The following NEBL variants were observed in gnomAD, a reference collection of about 807,000 sequenced individuals.
NEBL encodes nebulette.
NEBL carries 122 observed loss-of-function variants against 140.2 expected under a neutral mutation model. That is an observed-to-expected ratio of 0.87 (90% confidence interval 0.75 to 1.01). NEBL has a LOEUF of 1.01. NEBL is among the 50% of genes least tolerant of loss of function. The pLI, the probability that NEBL is intolerant of heterozygous loss-of-function variation, is 0.00. For synonymous variants in NEBL, 436 were observed against 398.9 expected, an observed-to-expected ratio of 1.09 and a Z score of -1.11; for missense variants, 1,365 against 1,231.3, an observed-to-expected ratio of 1.11 and a Z score of -1.62.
chr10:21,288,713 T>G lies in NEBL; in HGVS notation n.182+4117A>C, dbSNP rs372357904. On this transcript the variant is annotated intron_variant and non_coding_transcript_variant, in intron 1 of 8. Transcript: ENST00000675702. ...AGGCAGAGGTTGCAGTGAGCCGAAC[T>G]CATTCCACTGCACTCTAGCCTGGGC... Among the ~76,000 whole-genome samples, 118 of 135,544 alleles carry G rather than the reference T, an allele frequency of 8.7e-4. 2 individuals carry two copies. The South Asian group carries it at 0.014, about 16-fold the overall frequency. The allele number at this position is 135,544 out of a possible 152,430, so 88.9% of individuals were successfully genotyped here.
chr10:21,263,399 G>A (rs1220804637), intron 1 of NEBL, among the ~76,000 whole-genome samples: 6 of 152,088 alleles, frequency 3.9e-5, no homozygotes, highest in Non-Finnish European at 8.8e-5. Flanking sequence ...AAAGGGAAAG[G>A]GGGCGGGGGG....
chr10:21,179,267 T>C (rs1468476854), upstream of NEBL, among the ~76,000 whole-genome samples: 3 of 152,304 alleles, frequency 2.0e-5, no homozygotes, highest in South Asian at 4.1e-4. Context: ...ACATAGACCC[T>C]GTTACAAGAT....
intron 2 of NEBL, among the ~76,000 whole-genome samples, chr10:21,025,874 T>C (rs1839006471): frequency 1.3e-5 from 2 of 152,204 alleles, no homozygotes; most frequent in South Asian, 4.1e-4. Flanking sequence ...TTGTGGCTCA[T>C]AGTAGGCACT....
At chr10:20,873,045 T>C (rs1208276422) in intron 5 of NEBL, among the ~76,000 whole-genome samples, 3 of 152,176 alleles carry the variant, frequency 2.0e-5, no homozygotes, top group African/African-American at 7.2e-5. Flanking sequence ...AGAACGTCTT[T>C]TGGGGTCTGA....
At chr10:20,802,989 G>A (rs762713957) in intron 26 of NEBL, among the ~76,000 whole-genome samples, 27 of 151,994 alleles carry the variant, frequency 1.8e-4, no homozygotes, top group South Asian at 2.1e-4. Flanking sequence ...TTGATAACCC[G>A]GACCAAGTCG....
intron 3 of NEBL, among the ~76,000 whole-genome samples, chr10:21,018,202 C>A (rs1360984157): frequency 6.6e-6 from 1 of 152,104 alleles, no homozygotes; most frequent in African/African-American, 2.4e-5. Flanking sequence ...TCCTCAGACA[C>A]CCTATAAATT....
intron 4 of NEBL, among the ~76,000 whole-genome samples, chr10:20,881,693 T>C (rs1244237048): frequency 2.0e-5 from 3 of 152,194 alleles, no homozygotes; most frequent in Non-Finnish European, 4.4e-5. Context: ...AACACAACTG[T>C]CGTGTTCACT....
chr10:21,037,632 C>T (rs1334524452), intron 2 of NEBL, among the ~76,000 whole-genome samples: 2 of 152,032 alleles, frequency 1.3e-5, no homozygotes, highest in African/African-American at 4.8e-5. Flanking sequence ...GGTTACTCAA[C>T]TATATGGGTT....
chr10:20,942,122 C>A (rs1450329930), intron 4 of NEBL, among the ~76,000 whole-genome samples: 2 of 152,200 alleles, frequency 1.3e-5, no homozygotes, highest in African/African-American at 4.8e-5. Flanking sequence ...AAAGAGCCCA[C>A]CTTGCCAAGT....
At chr10:20,853,350 T>G (rs561972402) in intron 9 of NEBL, among the ~76,000 whole-genome samples, 6 of 152,278 alleles carry the variant, frequency 3.9e-5, no homozygotes, top group Admixed American at 3.9e-4. Context: ...GTTTGGCCAC[T>G]GAAAGAAGCT....
chr10:21,245,501 T>C (rs1842504789), intron 3 of NEBL, among the ~76,000 whole-genome samples: 1 of 152,190 alleles, frequency 6.6e-6, no homozygotes, highest in South Asian at 2.1e-4. Context: ...TCATATTTTC[T>C]GATCTTGAAT....
rs1835271934 is a variant in NEBL at position 20,784,768 on chromosome 10, G to C, written c.*979C>G. 1 of 152,192 alleles carries C rather than the reference G, an allele frequency of 6.6e-6. No homozygotes were observed. Among genetic ancestry groups the C allele is most frequent in the African/African-American group, 2.4e-5 (1 of 41,446 alleles). The allele number at this position is 152,192 out of a possible 1,614,324, so 9.4% of individuals were successfully genotyped here. A position where few individuals can be genotyped will look rare whatever the true frequency, so the allele number is the denominator to read the frequency against. ...ACACCTAAATCGCTTATTTACTAGA[G>C]TATACATGTTATTTCCTAAGATGTA... On this transcript the variant is annotated 3_prime_UTR_variant, in exon 28 of 28. Transcript: ENST00000377122.
intron 3 of NEBL, among the ~76,000 whole-genome samples, chr10:21,239,972 C>A (rs777623927): frequency 6.6e-6 from 1 of 151,252 alleles, no homozygotes. Context: ...GCCGAGATTG[C>A]GCCACTGCAC....
chr10:20,913,980 G>A (rs1161576740), intron 4 of NEBL, among the ~76,000 whole-genome samples: 1 of 152,146 alleles, frequency 6.6e-6, no homozygotes, highest in Non-Finnish European at 1.5e-5. Flanking sequence ...CATCAATAGA[G>A]CTATAGCAGA....
chr10:20,899,248 G>T, upstream of NEBL: 1 of 344,322 alleles, frequency 2.9e-6, no homozygotes, highest in Non-Finnish European at 5.7e-6. Context: ...CTGTAAACTT[G>T]TCTTGCAAAT....
At chr10:20,994,675 G>A (rs1041387334) in intron 3 of NEBL, among the ~76,000 whole-genome samples, 2 of 152,148 alleles carry the variant, frequency 1.3e-5, no homozygotes, top group Non-Finnish European at 2.9e-5. Context: ...AAGCTTTACT[G>A]ATAACATAAA....
At position 21,196,372 on chromosome 10, in the gene NEBL, C is replaced by T. The variant is rs187714839; in HGVS notation, n.349-23895G>A. Among the ~76,000 whole-genome samples, 6 of 147,832 alleles carry T rather than the reference C, an allele frequency of 4.1e-5. No individual in the cohort carries two copies. The East Asian group carries it at 1.2e-3, about 30-fold the overall frequency. On this transcript the variant is annotated intron_variant and non_coding_transcript_variant, in intron 3 of 8. Coordinates refer to the NEBL transcript ENST00000675702. ...TTATCTATTTATTTTGAGACAGAGT[C>T]TTGCTCTTGTTGCCCAGGGTGGAGT...
At chr10:21,090,260 A>T (rs979602524) in intron 2 of NEBL, among the ~76,000 whole-genome samples, 1 of 152,242 alleles carries the variant, frequency 6.6e-6, no homozygotes, top group Non-Finnish European at 1.5e-5. Context: ...AGATACATGG[A>T]TATCTTCTAA....
intron 2 of NEBL, among the ~76,000 whole-genome samples, chr10:21,142,561 G>T (rs189520923): frequency 2.6e-4 from 40 of 152,166 alleles, no homozygotes; most frequent in Admixed American, 1.7e-3. Context: ...AGCATCTAAG[G>T]GAAATTGTGG....
Sources: allele counts gnomAD v4.1 joint callset (sites outside exome capture counted in the v4.1 genomes callset), GRCh38; gene constraint gnomAD v4.1.1; transcripts MANE v1.5; gene names NCBI Gene and HGNC (gene_info 2026-07-23, HGNC 2026-07-21).